Variants in SRGAP2 observed in about 807,000 individuals in gnomAD.
SRGAP2 encodes SLIT-ROBO Rho GTPase activating protein 2.
SRGAP2 carries 15 observed loss-of-function variants against 57.2 expected under a neutral mutation model. The observed-to-expected ratio is 0.26, with a 90% CI of 0.18 to 0.40. The LOEUF is 0.40. Among genes scored for constraint, SRGAP2 ranks in the 10% least tolerant of loss-of-function variants. The pLI is 1.00. For synonymous variants in SRGAP2, 249 were observed against 248.0 expected (o/e 1.00, Z -0.04); for missense variants, 520 against 669.6 (o/e 0.78, Z 2.47).
chr1:206,264,177 G>A (rs574309465), intron 2 of SRGAP2, among the ~76,000 whole-genome samples: 1 of 151,020 alleles, frequency 6.6e-6, no homozygotes, highest in South Asian at 2.1e-4. Flanking sequence ...GCTGTGTTAA[G>A]CCCCTCCCCG....
intron 2 of SRGAP2, 139 bp from the exon 3 acceptor site, chr1:206,303,142 G>A (rs1671973601): frequency 6.2e-6 from 3 of 480,498 alleles, no homozygotes. Context: ...GGCCAGTTTA[G>A]ACTTTAGGCT....
In SRGAP2 at chr1:206,419,378, C is replaced by G; in HGVS notation, c.1447C>G (p.Arg483Gly). Residue 483 changes from arginine (R) to glycine (G), a missense_variant, in exon 12 of 23, where the codon CGG becomes GGG. Physicochemically the swap from Arg to Gly is moderately radical, Grantham distance 125. Transcript: ENST00000573034. ...TGCCTTTGTGTTTCCAACAGGTCAGCGGACAGATTGCAGTCTAGCCAGGTG... is the reference window on the plus strand; with the variant it reads ...TGCCTTTGTGTTTCCAACAGGTCAGGGGACAGATTGCAGTCTAGCCAGGTG... ...LLQKTLGESQ[R>G]TDCSLARRSS... 1 of 780,724 alleles carries G rather than the reference C, an allele frequency of 1.3e-6. No individual in the cohort carries two copies. Among genetic ancestry groups the G allele is most frequent in the Non-Finnish European group, 2.4e-6 (1 of 417,910 alleles). The allele number at this position is 780,724 out of a possible 1,614,324, so 48.4% of individuals were successfully genotyped here.
At chr1:206,432,948 A>G (rs1661402586) in intron 14 of SRGAP2, among the ~76,000 whole-genome samples, 1 of 152,222 alleles carries the variant, frequency 6.6e-6, no homozygotes, top group East Asian at 1.9e-4. Flanking sequence ...AAGCATTATA[A>G]GAGAATATCG....
At chr1:206,426,146 TC>T (rs1660781890) in intron 13 of SRGAP2, among the ~76,000 whole-genome samples, 1 of 152,134 alleles carries the variant, frequency 6.6e-6, no homozygotes, top group African/African-American at 2.4e-5. Flanking sequence ...CCCTTCCCAG[TC>T]TCCAGAAACC....
chr1:206,323,557 G>A (rs1247807453), intron 3 of SRGAP2, among the ~76,000 whole-genome samples: 4 of 151,102 alleles, frequency 2.6e-5, no homozygotes, highest in African/African-American at 9.8e-5. Context: ...TGCATTTAGC[G>A]AACCAAGAAT....
In SRGAP2 at chr1:206,419,373, G is replaced by A. The variant is rs1660089053; in HGVS notation, c.1442G>A (p.Ser481Asn). Residue 481 changes from serine (S) to asparagine (N), a missense_variant and splice_region_variant, in exon 12 of 23, where the codon AGT becomes AAT. By Grantham distance (46) the Ser-to-Asn change is conservative (BLOSUM62 1). Transcript: ENST00000573034. ...HDLLQKTLGE[S>N]QRTDCSLARR... is the part of the protein sequence containing the mutation. ...CTTTTTGCCTTTGTGTTTCCAACAGGTCAGCGGACAGATTGCAGTCTAGCC... is the reference window on the plus strand; with the variant it reads ...CTTTTTGCCTTTGTGTTTCCAACAGATCAGCGGACAGATTGCAGTCTAGCC... 1.3e-6 allele frequency: 1 copy of A among 780,760 alleles called. No homozygotes were observed. The highest frequency in any genetic ancestry group is 2.4e-6 in the Non-Finnish European group (1 of 417,924). 48.4% of individuals were successfully genotyped at this position (780,760 alleles called of 1,614,324 possible). A position where few individuals can be genotyped will look rare whatever the true frequency, so the allele number is the denominator to read the frequency against.
intron 2 of SRGAP2, among the ~76,000 whole-genome samples, chr1:206,280,116 T>A (rs1430199675): frequency 6.6e-6 from 1 of 151,882 alleles, no homozygotes; most frequent in Non-Finnish European, 1.5e-5. Context: ...TGATTTTGTA[T>A]TTTTTTTTCC....
At chr1:206,242,063 G>GT (rs1294140429) in intron 2 of SRGAP2, among the ~76,000 whole-genome samples, 21 of 149,568 alleles carry the variant, frequency 1.4e-4, no homozygotes, top group East Asian at 5.9e-4. Context: ...GAATTTGATT[G>GT]TTTTTTTGGC....
At chr1:206,242,005 G>A (rs1186641570) in intron 2 of SRGAP2, among the ~76,000 whole-genome samples, 5 of 138,268 alleles carry the variant, frequency 3.6e-5, no homozygotes, top group East Asian at 2.2e-4. Context: ...CTCTGCCCTC[G>A]TGTTGATCTT....
intron 2 of SRGAP2, among the ~76,000 whole-genome samples, chr1:206,264,248 C>A (rs1360943924): frequency 6.8e-6 from 1 of 146,584 alleles, no homozygotes; most frequent in Admixed American, 6.9e-5. Flanking sequence ...AGGTACTGAT[C>A]CAGTTTAATT....
rs1275837503 is a variant in SRGAP2 at position 206,325,386 on chromosome 1, C to T, written c.261-17460C>T. 4.6e-4 allele frequency among the ~76,000 whole-genome samples: 69 copies of T among 151,600 alleles called. 1 individual carries two copies. Among genetic ancestry groups the T allele is most frequent in the South Asian group, 2.1e-4 (1 of 4,776 alleles). ...TGAGATGGGGTCTCACTCTTTCACC[C>T]GGGCTGGAGTGTAATGGCGCCATCT... On this transcript the variant is annotated intron_variant, in intron 3 of 22. Transcript: ENST00000573034.
intron 3 of SRGAP2, among the ~76,000 whole-genome samples, chr1:206,306,314 G>A (rs2102766201): frequency 6.6e-6 from 1 of 152,112 alleles, no homozygotes; most frequent in Admixed American, 6.5e-5. Context: ...TGGTCTCGCT[G>A]GCTCAGGAGT....
At chr1:206,420,443 G>A (rs116167647) in intron 12 of SRGAP2, among the ~76,000 whole-genome samples, 1,905 of 152,208 alleles carry the variant, frequency 0.013, 53 homozygotes, top group African/African-American at 0.043. Flanking sequence ...TGAATTTCCC[G>A]GTGCTGAGTT....
chr1:206,430,094 C>A (rs782016166), intron 13 of SRGAP2, 68 bp from the exon 14 acceptor site: 8 of 777,000 alleles, frequency 1.0e-5, no homozygotes, highest in Non-Finnish European at 1.7e-5. Flanking sequence ...CGGTTTGGCC[C>A]GTTTTCTCTG....
chr1:206,241,947 TGTGTG>T (rs1668260365), intron 2 of SRGAP2, among the ~76,000 whole-genome samples: 1 of 139,550 alleles, frequency 7.2e-6, no homozygotes, highest in South Asian at 2.4e-4. Flanking sequence ...TGTGTGTGTG[TGTGTG>T]TTTTATCTCC....
Position 206,393,742 on chromosome 1 carries a change from C to T in SRGAP2, c.831+69C>T, listed in dbSNP as rs1289391006. On this transcript the variant is annotated intron_variant, in intron 7 of 22. Transcript: ENST00000573034. ...TTTCAGAATACTCGTCAGACATTCC[C>T]CGATACTATTGTTCAGGAATCTGGT... 2,412 of 551,500 alleles carry T rather than the reference C, an allele frequency of 4.4e-3. 57 individuals are homozygous for T. Among genetic ancestry groups the T allele is most frequent in the African/African-American group, 0.043 (2,200 of 50,668 alleles). 34.2% of individuals were successfully genotyped at this position (551,500 alleles called of 1,614,324 possible). A position where few individuals can be genotyped will look rare whatever the true frequency, so the allele number is the denominator to read the frequency against.
chr1:206,460,381 A>G (rs1232090622), intron 22 of SRGAP2, among the ~76,000 whole-genome samples: 4 of 152,088 alleles, frequency 2.6e-5, no homozygotes, highest in Non-Finnish European at 4.4e-5. Context: ...TGATTCACCT[A>G]TGTGGGCTTT....
At chr1:206,319,481 C>A (rs1196464340) in intron 3 of SRGAP2, among the ~76,000 whole-genome samples, 2 of 149,026 alleles carry the variant, frequency 1.3e-5, no homozygotes, top group Non-Finnish European at 3.0e-5. Context: ...AGTGCTGCCT[C>A]TTCTTGATCC....
At chr1:206,240,745 G>A (rs1464217199) in intron 2 of SRGAP2, among the ~76,000 whole-genome samples, 3 of 152,118 alleles carry the variant, frequency 2.0e-5, no homozygotes, top group Admixed American at 6.5e-5. Context: ...ATTAAGATAC[G>A]TGCTCATGGT....
Sources: gnomAD v4.1 joint callset for allele counts (sites outside exome capture counted in the v4.1 genomes callset) on GRCh38, gnomAD v4.1.1 for gene constraint, MANE v1.5 for transcripts, NCBI Gene and HGNC (gene_info 2026-07-23, HGNC 2026-07-21) for gene names.